The following TMEM163 variants were observed in gnomAD, a reference collection of about 807,000 sequenced individuals.
TMEM163 encodes transmembrane protein 163.
In TMEM163, 17 loss-of-function variants were observed where a neutral mutation model predicts 29.3. The observed-to-expected ratio is 0.58, with a 90% CI of 0.40 to 0.87. The LOEUF (loss-of-function observed/expected upper bound fraction) is 0.87. TMEM163 is among the 40% of genes least tolerant of loss of function. TMEM163 has a pLI of 0.00. For synonymous variants in TMEM163, 157 were observed against 160.6 expected, an observed-to-expected ratio of 0.98 and a Z score of 0.17; for missense variants, 303 against 381.5, an observed-to-expected ratio of 0.79 and a Z score of 1.71.
At chr2:134,553,747 T>C (rs1680983692) in intron 2 of TMEM163, among the ~76,000 whole-genome samples, 1 of 152,182 alleles carries the variant, frequency 6.6e-6, no homozygotes, top group Non-Finnish European at 1.5e-5. Context: ...GAGCCAGCTG[T>C]GCATGGTGAC....
intron 2 of TMEM163, among the ~76,000 whole-genome samples, chr2:134,615,094 G>T (rs112988523): frequency 8.5e-4 from 130 of 152,076 alleles, no homozygotes; most frequent in African/African-American, 3.0e-3. Flanking sequence ...TGTACTAAAG[G>T]TCTTCAAAAA....
At chr2:134,508,806 C>A (rs992495326) in intron 4 of TMEM163, among the ~76,000 whole-genome samples, 5 of 128,492 alleles carry the variant, frequency 3.9e-5, no homozygotes, top group East Asian at 2.5e-4. Context: ...CATCTCTCTC[C>A]TCTATCTTCA....
chr2:134,636,965 G>A (rs1358119605), intron 2 of TMEM163, among the ~76,000 whole-genome samples: 2 of 152,096 alleles, frequency 1.3e-5, no homozygotes, highest in Non-Finnish European at 2.9e-5. Flanking sequence ...CTGACTCACT[G>A]GCCCCCCACC....
intron 2 of TMEM163, among the ~76,000 whole-genome samples, chr2:134,693,627 A>C (rs1014350088): frequency 1.3e-5 from 2 of 151,720 alleles, no homozygotes; most frequent in African/African-American, 4.8e-5. Context: ...AAAAAAAAAA[A>C]AAACCTGAAA....
rs765643084 is a variant in TMEM163 at position 134,550,667 on chromosome 2, A to AT, written c.367-7_367-6insA. 1.2e-6 allele frequency: 2 copies of AT among 1,614,036 alleles called. No homozygotes were observed. Among genetic ancestry groups the AT allele is most frequent in the Admixed American group, 3.3e-5 (2 of 60,024 alleles). ...ACGTCCAGGATGGCATCAAACTAGG[A>AT]GAAGGAGACATGGCATTAGAGGCTT... On this transcript the variant is annotated splice_polypyrimidine_tract_variant and splice_region_variant and intron_variant, in intron 3 of 7. Coordinates refer to ENST00000281924, the MANE Select transcript of TMEM163 (RefSeq NM_030923.5).
At chr2:134,703,533 T>C (rs948081534) in intron 2 of TMEM163, among the ~76,000 whole-genome samples, 1 of 152,124 alleles carries the variant, frequency 6.6e-6, no homozygotes, top group Non-Finnish European at 1.5e-5. Context: ...ATTTACATAG[T>C]CATAATAATG....
At chr2:134,511,200 A>G (rs1679941579) in intron 4 of TMEM163, among the ~76,000 whole-genome samples, 1 of 149,172 alleles carries the variant, frequency 6.7e-6, no homozygotes, top group Non-Finnish European at 1.5e-5. Context: ...ACTTCTTTCT[A>G]ATGAGGGTAC....
chr2:134,461,285 A>T (rs1160734212), intron 6 of TMEM163, among the ~76,000 whole-genome samples: 1 of 152,256 alleles, frequency 6.6e-6, no homozygotes, highest in African/African-American at 2.4e-5. Flanking sequence ...AGTTAAAAAC[A>T]TTCATTGTAT....
At chr2:134,687,492 A>G (rs1684374381) in intron 2 of TMEM163, among the ~76,000 whole-genome samples, 1 of 152,258 alleles carries the variant, frequency 6.6e-6, no homozygotes, top group Non-Finnish European at 1.5e-5. Flanking sequence ...ATTCATCTGC[A>G]TATACAATTT....
At chr2:134,718,390 C>G (rs62171393) in intron 1 of TMEM163, among the ~76,000 whole-genome samples, 19,456 of 152,318 alleles carry the variant, frequency 0.13, 1,601 homozygotes, top group Middle Eastern at 0.36. Context: ...CCGGAGTGGC[C>G]CAGAAGCGCT....
chr2:134,696,149 T>C (rs1471675482), intron 2 of TMEM163, among the ~76,000 whole-genome samples: 2 of 152,148 alleles, frequency 1.3e-5, no homozygotes, highest in Non-Finnish European at 2.9e-5. Flanking sequence ...TACAAACTTA[T>C]TTTAGTTTTT....
intron 4 of TMEM163, among the ~76,000 whole-genome samples, chr2:134,544,192 T>C (rs1680733000): frequency 6.6e-6 from 1 of 152,146 alleles, no homozygotes; most frequent in Non-Finnish European, 1.5e-5. Context: ...GGCAGGAGGC[T>C]GTTCTTCCTG....
chr2:134,491,031 CA>C (rs965872226), intron 5 of TMEM163, among the ~76,000 whole-genome samples: 7 of 152,118 alleles, frequency 4.6e-5, no homozygotes, highest in African/African-American at 1.7e-4. Flanking sequence ...CTTCTTTCTT[CA>C]AAAGATAGGA....
intron 2 of TMEM163, among the ~76,000 whole-genome samples, chr2:134,578,652 T>C (rs1286595307): frequency 6.6e-6 from 1 of 152,192 alleles, no homozygotes; most frequent in East Asian, 1.9e-4. Context: ...GCAGCTGTGA[T>C]TATTCCCTTC....
chr2:134,664,653 C>T (rs1180681512), intron 2 of TMEM163, among the ~76,000 whole-genome samples: 8 of 152,144 alleles, frequency 5.3e-5, no homozygotes, highest in Middle Eastern at 3.4e-3. Flanking sequence ...GAGAAGGCAA[C>T]GTGACAGGAA....
chr2:134,566,798 C>T (rs1681309466), intron 2 of TMEM163, among the ~76,000 whole-genome samples: 1 of 152,034 alleles, frequency 6.6e-6, no homozygotes. Flanking sequence ...TGTATAACAA[C>T]AAAATATTAA....
intron 4 of TMEM163, among the ~76,000 whole-genome samples, chr2:134,517,368 G>C (rs753766410): frequency 6.6e-6 from 1 of 152,152 alleles, no homozygotes; most frequent in African/African-American, 2.4e-5. Flanking sequence ...GGGGAATTAC[G>C]GAGAAATAGA....
At chr2:134,578,218 A>T (rs1490377539) in intron 2 of TMEM163, among the ~76,000 whole-genome samples, 1 of 152,166 alleles carries the variant, frequency 6.6e-6, no homozygotes, top group African/African-American at 2.4e-5. Flanking sequence ...AAAAGTCTTA[A>T]GCACAAGATT....
At chr2:134,662,605 G>A (rs1683780418) in intron 2 of TMEM163, among the ~76,000 whole-genome samples, 1 of 152,158 alleles carries the variant, frequency 6.6e-6, no homozygotes, top group Non-Finnish European at 1.5e-5. Context: ...TTCGGGAGAT[G>A]AGCAATTCTT....
Sources: allele counts gnomAD v4.1 joint callset (sites outside exome capture counted in the v4.1 genomes callset), GRCh38; gene constraint gnomAD v4.1.1; transcripts MANE v1.5; gene names NCBI Gene and HGNC (gene_info 2026-07-23, HGNC 2026-07-21).